ZSWIM5: variants seen among roughly 807,000 people sequenced by gnomAD.
ZSWIM5 encodes zinc finger SWIM domain-containing protein 5.
Under a neutral mutation model 119.6 loss-of-function variants are expected in ZSWIM5, and 55 were observed. The ratio of observed to expected loss-of-function variants is 0.46; its 90% CI spans 0.37 to 0.58. The LOEUF (loss-of-function observed/expected upper bound fraction) is 0.58. ZSWIM5 is among the 20% of genes least tolerant of loss of function. The pLI is 0.00. For missense variants in ZSWIM5, 1,193 were observed against 1,512.8 expected (o/e 0.79, Z 3.51); for synonymous variants, 537 against 606.9 (o/e 0.88, Z 1.69).
chr1:45,034,012 G>A lies in ZSWIM5; in HGVS notation c.2449+300C>T, dbSNP rs567193820. On this transcript the variant is annotated intron_variant, in intron 11 of 13. Transcript: ENST00000359600. The stretch of plus-strand genomic sequence containing the variant: ...TGGGACTACAGGCGCCCGCCACCAC[G>A]CCCGGCTACTTTTTGTATTTTTAGT... Among the ~76,000 whole-genome samples the A allele has an allele frequency of 1.5e-3, 221 of 152,110 alleles. 1 individual carries two copies. Among genetic ancestry groups the A allele is most frequent in the Non-Finnish European group, 2.1e-3 (146 of 67,996 alleles).
chr1:45,161,073 C>A (rs1645861465), intron 1 of ZSWIM5, among the ~76,000 whole-genome samples: 1 of 151,236 alleles, frequency 6.6e-6, no homozygotes, highest in Admixed American at 6.6e-5. Flanking sequence ...ATCCTCCTTC[C>A]TCGGCCTCCC....
chr1:45,024,277 T>TG (rs1644907541), intron 11 of ZSWIM5, among the ~76,000 whole-genome samples: 1 of 149,750 alleles, frequency 6.7e-6, no homozygotes, highest in South Asian at 2.1e-4. Flanking sequence ...CTGCAACCTC[T>TG]GCCTCCTGGG....
At position 45,019,791 on chromosome 1, in the gene ZSWIM5, G is replaced by A. The variant is rs1219734751; in HGVS notation, c.2695+275C>T. 2.0e-5 allele frequency among the ~76,000 whole-genome samples: 3 copies of A among 152,176 alleles called. No individual in the cohort carries two copies. The highest frequency in any genetic ancestry group is 2.9e-5 in the Non-Finnish European group (2 of 68,030). Reference sequence around the variant, plus strand: ...CACTACCTCCCAAGGGAGCACTTGAGTAGCAACTGAAAATTCATTCTCTTA... The same window carrying A: ...CACTACCTCCCAAGGGAGCACTTGAATAGCAACTGAAAATTCATTCTCTTA... On this transcript the variant is annotated intron_variant, in intron 13 of 13. Coordinates refer to ENST00000359600, the MANE Select transcript of ZSWIM5 (RefSeq NM_020883.2). This position sits in a 1 kb window ranked among gnomAD's most constrained non-coding sequence, Gnocchi z 5.0.
Position 45,018,736 on chromosome 1 carries a change from T to C in ZSWIM5, c.3276A>G (p.Pro1092=), listed in dbSNP as rs1644870071. Residue 1092 remains proline (P), a synonymous_variant, in exon 14 of 14, where the codon CCA becomes CCG. Coordinates refer to ENST00000359600, the MANE Select transcript of ZSWIM5 (RefSeq NM_020883.2). The surrounding 1 kb of genome is among the most constrained non-coding windows in gnomAD (Gnocchi z 6.7). ...TVTAPGLAGI[P]GRRSSGKLMS... is the part of the protein sequence containing the mutation. ...TGAGCTTTCCAGAGCTTCGGCGGCC[T>C]GGGATGCCGGCCAGGCCAGGTGCAG... is the stretch of plus-strand genomic sequence containing the variant. 6.2e-7 allele frequency: 1 copy of C among 1,614,252 alleles called. No individual in the cohort carries two copies. Among genetic ancestry groups the C allele is most frequent in the Non-Finnish European group, 8.5e-7 (1 of 1,180,044 alleles).
intron 2 of ZSWIM5, among the ~76,000 whole-genome samples, chr1:45,080,356 T>C (rs542703350): frequency 6.0e-4 from 91 of 152,310 alleles, no homozygotes; most frequent in African/African-American, 2.2e-3. Flanking sequence ...AAATGCTCCC[T>C]CTATGGGGAG....
chr1:45,200,781 G>A (rs1646153795), intron 1 of ZSWIM5, among the ~76,000 whole-genome samples: 1 of 152,182 alleles, frequency 6.6e-6, no homozygotes, highest in South Asian at 2.1e-4. Flanking sequence ...TTAATGTGGT[G>A]ATTTCCTAAC....
At chr1:45,144,025 T>C (rs1645746086) in intron 1 of ZSWIM5, among the ~76,000 whole-genome samples, 1 of 152,164 alleles carries the variant, frequency 6.6e-6, no homozygotes, top group Non-Finnish European at 1.5e-5. Context: ...ATATACTGTG[T>C]TCACAGATTG....
At chr1:45,047,515 A>G (rs1274926747) in intron 5 of ZSWIM5, among the ~76,000 whole-genome samples, 2 of 152,266 alleles carry the variant, frequency 1.3e-5, no homozygotes, top group African/African-American at 2.4e-5. Context: ...TTGTTTTGGT[A>G]TGGGAAATAT....
chr1:45,048,669 G>T (rs902360684), intron 5 of ZSWIM5, among the ~76,000 whole-genome samples: 22 of 152,118 alleles, frequency 1.4e-4, no homozygotes, highest in Non-Finnish European at 2.9e-5. Flanking sequence ...AGATTATGAA[G>T]AGGGTGTAGT....
In ZSWIM5 at chr1:45,174,671, T is replaced by A. The variant is rs534161566; in HGVS notation, c.595+31085A>T. 3.0e-4 allele frequency among the ~76,000 whole-genome samples: 46 copies of A among 151,734 alleles called. 1 individual carries two copies. The highest frequency in any genetic ancestry group is 1.0e-3 in the African/African-American group (43 of 41,358). On this transcript the variant is annotated intron_variant, in intron 1 of 13. Transcript: ENST00000359600. ...AGGAGAATTGCTTGAACCTGCAAGG[T>A]GGAGTTTGCAGTGAGCTGAGATCGC... is the stretch of plus-strand genomic sequence containing the variant.
At chr1:45,022,567 ATTC>A (rs538939005) in intron 11 of ZSWIM5, among the ~76,000 whole-genome samples, 39 of 152,312 alleles carry the variant, frequency 2.6e-4, no homozygotes, top group African/African-American at 8.7e-4. Context: ...GATTCCCTTT[ATTC>A]TTCTATCATC....
intron 1 of ZSWIM5, among the ~76,000 whole-genome samples, chr1:45,182,248 C>CA (rs1302991283): frequency 1.3e-5 from 2 of 151,950 alleles, no homozygotes; most frequent in Non-Finnish European, 2.9e-5. Context: ...ACTAAAAATA[C>CA]AAAAAATTAG....
chr1:45,166,545 A>C (rs542702072), intron 1 of ZSWIM5, among the ~76,000 whole-genome samples: 3 of 152,196 alleles, frequency 2.0e-5, no homozygotes, highest in Admixed American at 2.0e-4. Flanking sequence ...GTTTGCAGAC[A>C]TGACATGATC....
intron 1 of ZSWIM5, among the ~76,000 whole-genome samples, chr1:45,182,108 A>T: frequency 6.6e-6 from 1 of 152,184 alleles, no homozygotes; most frequent in East Asian, 1.9e-4. Context: ...AAATGGACTA[A>T]ATGCTCCAAT....
At position 45,173,023 on chromosome 1, in the gene ZSWIM5, G is replaced by A. The variant is rs571326317; in HGVS notation, c.595+32733C>T. On this transcript the variant is annotated intron_variant, in intron 1 of 13. Coordinates refer to ENST00000359600, the MANE Select transcript of ZSWIM5 (RefSeq NM_020883.2). ...TACAAAAAATAAAAAAAATTAGCCG[G>A]GCATGGTGGTGTGTGCCTGTGGTCC... Among the ~76,000 whole-genome samples, 15 of 152,048 alleles carry A rather than the reference G, an allele frequency of 9.9e-5. No homozygotes were observed. The South Asian group carries it at 2.9e-3, about 29-fold the overall frequency.
At chr1:45,043,049 A>G (rs1645025498) in intron 6 of ZSWIM5, among the ~76,000 whole-genome samples, 170 bp downstream of exon 6, 1 of 152,186 alleles carries the variant, frequency 6.6e-6, no homozygotes, top group African/African-American at 2.4e-5. Flanking sequence ...CTGAGTATAC[A>G]TGCAAATGGC....
At chr1:45,129,307 C>T (rs774634378) in intron 1 of ZSWIM5, among the ~76,000 whole-genome samples, 8 of 151,598 alleles carry the variant, frequency 5.3e-5, no homozygotes, top group Non-Finnish European at 8.8e-5. Context: ...TACAGGCGCC[C>T]GCCACCACCC....
rs565101218 is a variant in ZSWIM5, at chr1:45,205,992, C to T, written c.359G>A (p.Gly120Asp). The change falls in exon 1 of 14, where the codon GGC becomes GAC. Residue 120 changes from glycine to aspartate, a missense_variant. Gly to Asp is a moderately conservative substitution (Grantham distance 94, BLOSUM62 -1). Around this residue, in one of 2 missense-constraint regions of ZSWIM5, gnomAD observed 232 missense variants for 222.9 expected, o/e 1.04. Transcript: ENST00000359600. ...GCCGCCAGCAGCGCCGGCGCCGGGG[C>T]CGCCCCGGTACTGGAAGCTGGAGTA... is the stretch of plus-strand genomic sequence containing the variant. ...CMYSSFQYRG[G>D]PGAGAAGGAA... 3 of 1,477,942 alleles carry T rather than the reference C, an allele frequency of 2.0e-6. No individual in the cohort carries two copies. Among genetic ancestry groups the T allele is most frequent in the Admixed American group, 2.2e-5 (1 of 44,596 alleles). The allele number at this position is 1,477,942 out of a possible 1,614,324, so 91.6% of individuals were successfully genotyped here. A position where few individuals can be genotyped will look rare whatever the true frequency, so the allele number is the denominator to read the frequency against.
At chr1:45,050,683 C>T (rs1645083786) in intron 5 of ZSWIM5, among the ~76,000 whole-genome samples, 1 of 152,126 alleles carries the variant, frequency 6.6e-6, no homozygotes, top group Non-Finnish European at 1.5e-5. Context: ...ATGGTCAGGA[C>T]ACTTTTTAAA....
Sources: gnomAD v4.1 joint callset for allele counts (sites outside exome capture counted in the v4.1 genomes callset) on GRCh38, gnomAD v4.1.1 for gene constraint, gnomAD v4.1.1 regional missense constraint, Gnocchi (gnomAD v3.1) non-coding constraint, MANE v1.5 for transcripts, NCBI Gene and HGNC (gene_info 2026-07-23, HGNC 2026-07-21) for gene names.